TBC1D15: variants seen among roughly 807,000 people sequenced by gnomAD.
The protein encoded by TBC1D15 is GAP for RAB7.
In TBC1D15, 39 loss-of-function variants were observed where a neutral mutation model predicts 95.4. The ratio of observed to expected loss-of-function variants is 0.41; its 90% CI spans 0.32 to 0.53. TBC1D15 has a LOEUF of 0.53. TBC1D15 is among the 20% of genes least tolerant of loss of function. The pLI is 0.29. For missense variants in TBC1D15, 733 were observed against 794.3 expected, an observed-to-expected ratio of 0.92 and a Z score of 0.93; for synonymous variants, 258 against 261.3, an observed-to-expected ratio of 0.99 and a Z score of 0.12.
At chr12:71,840,532 T>C (rs769797485) in intron 1 of TBC1D15, among the ~76,000 whole-genome samples, 1 of 152,224 alleles carries the variant, frequency 6.6e-6, no homozygotes, top group Non-Finnish European at 1.5e-5. Flanking sequence ...TGCGGAGATT[T>C]CGTCGAATAG....
At chr12:71,896,963 G>A (rs1898307464) in intron 9 of TBC1D15, among the ~76,000 whole-genome samples, 183 bp downstream of exon 9, 2 of 152,082 alleles carry the variant, frequency 1.3e-5, no homozygotes, top group Non-Finnish European at 2.9e-5. Flanking sequence ...CTTACTAGAA[G>A]CACCTTTTTG....
chr12:71,849,551 G>T, intron 1 of TBC1D15: 1 of 710,574 alleles, frequency 1.4e-6, no homozygotes, highest in African/African-American at 1.8e-5. Flanking sequence ...TCATTATCAC[G>T]TTACAGTGGC....
At chr12:71,921,958 A>G (rs1869530518) in intron 16 of TBC1D15, among the ~76,000 whole-genome samples, 1 of 152,160 alleles carries the variant, frequency 6.6e-6, no homozygotes, top group Non-Finnish European at 1.5e-5. Flanking sequence ...TTTTCTTTCT[A>G]TTAAGAGAAA....
intron 5 of TBC1D15, among the ~76,000 whole-genome samples, chr12:71,888,086 A>T (rs1459041378): frequency 6.6e-6 from 1 of 152,200 alleles, no homozygotes; most frequent in Non-Finnish European, 1.5e-5. Flanking sequence ...TAAGCAGTTA[A>T]TAGGGGTATA....
At chr12:71,872,675 C>T (rs1892939766) in intron 2 of TBC1D15, among the ~76,000 whole-genome samples, 1 of 152,078 alleles carries the variant, frequency 6.6e-6, no homozygotes, top group African/African-American at 2.4e-5. Flanking sequence ...AGTCAGGGAC[C>T]GTCTGTACTT....
rs772586135 is a variant in TBC1D15 at position 71,922,968 on chromosome 12, A to AT, written c.1804-10dup. 6.2e-7 allele frequency: 1 copy of AT among 1,612,912 alleles called. No homozygotes were observed. ...GTAGTGAAATATGGTTTTGAGTTTG[A>AT]TTTTTCATATCCAGGAATTGCCACA... On this transcript the variant is annotated splice_polypyrimidine_tract_variant and intron_variant, in intron 16 of 16. Coordinates refer to ENST00000485960, the MANE Select transcript of TBC1D15 (RefSeq NM_001146213.3).
intron 3 of TBC1D15, among the ~76,000 whole-genome samples, chr12:71,879,382 G>A (rs11178977): frequency 0.089 from 13,570 of 152,108 alleles, 689 homozygotes; most frequent in East Asian, 0.16. Context: ...TGATCCACCC[G>A]CTTCGGTCTC....
At chr12:71,846,847 GC>G (rs375396605) in intron 1 of TBC1D15, among the ~76,000 whole-genome samples, 3 of 135,622 alleles carry the variant, frequency 2.2e-5, no homozygotes, top group African/African-American at 5.6e-5. Context: ...TGCAGCCTCC[GC>G]CTCCTGGGCT....
At chr12:71,872,530 C>T (rs920405395) in intron 2 of TBC1D15, among the ~76,000 whole-genome samples, 1 of 152,128 alleles carries the variant, frequency 6.6e-6, no homozygotes. Flanking sequence ...TGTTGATTAT[C>T]TCATGTAATG....
At position 71,894,851 on chromosome 12, in the gene TBC1D15, C is replaced by T. The variant is rs1188577205; in HGVS notation, c.823C>T (p.Gln275Ter). The T allele has an allele frequency of 6.2e-7, 1 of 1,612,646 alleles. No homozygotes were observed. Among genetic ancestry groups the T allele is most frequent in the Non-Finnish European group, 8.5e-7 (1 of 1,179,112 alleles). The change falls in exon 7 of 17, where the codon CAA (glutamine) becomes TAA (stop). Residue 275 changes from glutamine (Q) to a stop codon, truncating the protein, a stop_gained. Transcript: ENST00000485960. LOFTEE classifies it high-confidence loss of function. ...DAIPGLKINQQEEPGFEVITR... is the reference protein window; with the variant it reads ...DAIPGLKINQ ...TATTCCAGGTCTAAAGATAAATCAA[C>T]AAGAAGAACCAGGATTTGAAGTCAT...
chr12:71,911,912 G>A (rs143628584), intron 11 of TBC1D15, among the ~76,000 whole-genome samples: 2 of 152,088 alleles, frequency 1.3e-5, no homozygotes, highest in Non-Finnish European at 2.9e-5. Flanking sequence ...AAGACTTAAA[G>A]GATTAAATTG....
At chr12:71,911,269 C>CCCAATTAAAGCAAAAT (rs1902212410) in intron 11 of TBC1D15, among the ~76,000 whole-genome samples, 1 of 152,140 alleles carries the variant, frequency 6.6e-6, no homozygotes, top group Admixed American at 6.6e-5. Context: ...CATCCCATTA[C>CCCAATTAAAGCAAAAT]TGGGTATATA....
intron 11 of TBC1D15, chr12:71,907,442 T>G (rs1428427735): frequency 3.9e-5 from 7 of 180,320 alleles, no homozygotes; most frequent in Admixed American, 1.1e-4. Flanking sequence ...ATCATTACAT[T>G]CTTTTTGATG....
chr12:71,881,846 A>T (rs549421764), intron 4 of TBC1D15, among the ~76,000 whole-genome samples: 1 of 142,194 alleles, frequency 7.0e-6, no homozygotes, highest in Admixed American at 7.6e-5. Context: ...TGAGCCTGGG[A>T]GGCAGAGGTT....
At position 71,897,843 on chromosome 12, in the gene TBC1D15, A is replaced by T. The variant is rs1317767234; in HGVS notation, c.1089-4A>T. 1 of 1,608,342 alleles carries T rather than the reference A, an allele frequency of 6.2e-7. No homozygotes were observed. ...TTTCTTTGATGTCAAATTGTTTTCTATAGTGATGAATACTTCAGAATGAAA... is the reference window on the plus strand; with the variant it reads ...TTTCTTTGATGTCAAATTGTTTTCTTTAGTGATGAATACTTCAGAATGAAA... On this transcript the variant is annotated splice_region_variant and splice_polypyrimidine_tract_variant and intron_variant, in intron 9 of 16. Coordinates refer to ENST00000485960, the MANE Select transcript of TBC1D15 (RefSeq NM_001146213.3).
intron 3 of TBC1D15, among the ~76,000 whole-genome samples, chr12:71,880,255 C>T (rs372557223): frequency 1.3e-5 from 2 of 149,884 alleles, no homozygotes; most frequent in South Asian, 4.2e-4. Flanking sequence ...TCATTGGCAA[C>T]TCTGACTGCA....
intron 1 of TBC1D15, chr12:71,854,661 A>G (rs1024054933): frequency 1.2e-4 from 56 of 456,378 alleles, no homozygotes; most frequent in Non-Finnish European, 2.3e-4. Flanking sequence ...ATCATCATAT[A>G]CATAGAGTGG....
chr12:71,862,737 A>G lies in TBC1D15; in HGVS notation c.31-9333A>G, dbSNP rs1890655674. On this transcript the variant is annotated intron_variant, in intron 1 of 16. Transcript: ENST00000485960. ...TGTTCCTTTTTTGCTCTCATAGTTT[A>G]TCATTGAAGTTTGGTGGTTTTCTGT... 2.0e-5 allele frequency among the ~76,000 whole-genome samples: 3 copies of G among 152,062 alleles called. No homozygotes were observed. The South Asian group carries it at 6.2e-4, about 31-fold the overall frequency.
intron 10 of TBC1D15, among the ~76,000 whole-genome samples, chr12:71,898,514 TTTTA>T (rs1228562014): frequency 2.0e-5 from 3 of 152,132 alleles, no homozygotes; most frequent in African/African-American, 7.2e-5. Context: ...CTTGATAGAA[TTTTA>T]TCATTAAAGC....
Sources: gnomAD v4.1 joint callset for allele counts (sites outside exome capture counted in the v4.1 genomes callset) on GRCh38, gnomAD v4.1.1 for gene constraint, MANE v1.5 for transcripts, NCBI Gene and HGNC (gene_info 2026-07-23, HGNC 2026-07-21) for gene names.